The following HDX variants were observed in gnomAD, a reference collection of about 807,000 sequenced individuals.
The protein encoded by HDX is chromosome X open reading frame 43.
A neutral mutation model predicts 45.2 loss-of-function variants in HDX; 19 were observed. That is an observed-to-expected ratio of 0.42 (90% CI 0.29 to 0.62). The LOEUF (loss-of-function observed/expected upper bound fraction) is 0.62, where lower values mean the gene tolerates loss of function less well. HDX is among the 20% of genes least tolerant of loss of function. HDX has a pLI of 0.20. For synonymous variants in HDX, 188 were observed against 172.8 expected, an observed-to-expected ratio of 1.09 and a Z score of -0.69; for missense variants, 532 against 493.9, an observed-to-expected ratio of 1.08 and a Z score of -0.73.
intron 7 of HDX, among the ~76,000 whole-genome samples, chrX:84,339,636 G>T (rs1267767482): frequency 5.4e-5 from 6 of 111,425 alleles, no homozygotes; most frequent in African/African-American, 2.0e-4. Flanking sequence ...TACGTGCCTG[G>T]TAATTCCCCA....
chrX:84,438,216 C>A (rs1053842088), intron 5 of HDX, among the ~76,000 whole-genome samples: 3 of 110,883 alleles, frequency 2.7e-5, no homozygotes, highest in Admixed American at 1.9e-4. Context: ...TTCTTTCATC[C>A]TTTCAGAATT....
At chrX:84,373,090 A>T (rs774998096) in intron 5 of HDX, among the ~76,000 whole-genome samples, 30 of 111,936 alleles carry the variant, frequency 2.7e-4, no homozygotes, top group African/African-American at 9.4e-4. Context: ...TTTTCAGAAT[A>T]GATTAAAACA....
At chrX:84,470,026 T>C (rs908471143) in intron 3 of HDX, among the ~76,000 whole-genome samples, 8 of 112,231 alleles carry the variant, frequency 7.1e-5, no homozygotes, top group Non-Finnish European at 1.3e-4. Context: ...GAAATGCTCA[T>C]AGTATTGTTA....
chrX:84,477,460 C>T (rs978143877), intron 2 of HDX, among the ~76,000 whole-genome samples: 5 of 112,026 alleles, frequency 4.5e-5, no homozygotes, highest in African/African-American at 6.5e-5. Context: ...ATAAAGATGA[C>T]TGAGTATTAA....
At chrX:84,370,481 T>G (rs1484837792) in intron 5 of HDX, among the ~76,000 whole-genome samples, 1 of 112,140 alleles carries the variant, frequency 8.9e-6, no homozygotes, top group Non-Finnish European at 1.9e-5. Flanking sequence ...GAAAAGAACT[T>G]CGTTCAATCT....
intron 4 of HDX, among the ~76,000 whole-genome samples, chrX:84,461,076 A>T (rs181015141): frequency 3.0e-4 from 34 of 111,795 alleles, no homozygotes; most frequent in Admixed American, 2.3e-3. Flanking sequence ...AGGAATCAAT[A>T]TTTTTAAGGT....
intron 5 of HDX, among the ~76,000 whole-genome samples, chrX:84,399,161 T>C (rs909867208): frequency 2.7e-5 from 3 of 110,223 alleles, no homozygotes; most frequent in African/African-American, 9.9e-5. Context: ...AAAAGATCTA[T>C]GGAAGCAAGA....
At chrX:84,374,920 T>C (rs2038007854) in intron 5 of HDX, among the ~76,000 whole-genome samples, 1 of 103,467 alleles carries the variant, frequency 9.7e-6, no homozygotes, top group Admixed American at 1.1e-4. Context: ...AAAGAGCTTC[T>C]GCACAGCAAA....
chrX:84,360,011 A>C (rs2037580945), intron 6 of HDX, among the ~76,000 whole-genome samples: 1 of 112,036 alleles, frequency 8.9e-6, no homozygotes, highest in Non-Finnish European at 1.9e-5. Context: ...CAGAAAGAGA[A>C]ATTTTTTACA....
rs2036536251 is a variant in HDX, at chrX:84,318,259, T to C, written c.*3630A>G. ...ACAGAGCATAGCTTGGTGAAGAGCA[T>C]GATACAGTGCTGTCTGCCAAGGAAA... On this transcript the variant is annotated 3_prime_UTR_variant, in exon 11 of 11. Transcript: ENST00000373177. 9.1e-6 allele frequency: 1 copy of C among 110,470 alleles called. No homozygotes were observed. Among genetic ancestry groups the C allele is most frequent in the Admixed American group, 9.7e-5 (1 of 10,325 alleles). 9.1% of individuals were successfully genotyped at this position (110,470 alleles called of 1,213,427 possible). A position where few individuals can be genotyped will look rare whatever the true frequency, so the allele number is the denominator to read the frequency against.
intron 1 of HDX, among the ~76,000 whole-genome samples, chrX:84,493,915 C>T (rs1188204295): frequency 9.0e-6 from 1 of 111,233 alleles, no homozygotes; most frequent in African/African-American, 3.3e-5. Context: ...AGCCCATTTT[C>T]CATGATGTGA....
At chrX:84,412,642 G>T (rs1321992011) in intron 5 of HDX, among the ~76,000 whole-genome samples, 1 of 110,822 alleles carries the variant, frequency 9.0e-6, no homozygotes, top group Non-Finnish European at 1.9e-5. Flanking sequence ...TGATGACTGC[G>T]TGTCTTTGGG....
In HDX at chrX:84,326,267, C is replaced by T. The variant is rs377491725; in HGVS notation, c.1858G>A (p.Glu620Lys). ...EEVKFIENELEIQKQKYFKLQ... is the reference protein window; with the variant it reads ...EEVKFIENELKIQKQKYFKLQ... ...TTAAAGTATTTTTGCTTTTGAATCT[C>T]GAGCTCATTTTCAATGAATTTGACT... The change falls in exon 10 of 11, where the codon GAG becomes AAG. Residue 620 changes from glutamate to lysine, a missense_variant. Glu to Lys is a moderately conservative substitution (Grantham distance 56). Around this residue, in one of 3 missense-constraint regions of HDX, gnomAD observed 151 missense variants for 131.8 expected, o/e 1.15. Transcript: ENST00000373177. The T allele has an allele frequency of 1.4e-5, 17 of 1,189,522 alleles. No individual in the cohort carries two copies. The highest frequency in any genetic ancestry group is 1.4e-4 in the South Asian group (8 of 56,314).
rs1448008032 is a variant in HDX at position 84,319,735 on chromosome X, T to C, written c.*2154A>G. On this transcript the variant is annotated 3_prime_UTR_variant, in exon 11 of 11. Transcript: ENST00000373177. ...CACACCTAGCAGAACCTTAAATCTA[T>C]TAAAAATTCTACTTAAATATGGTTT... 1 of 111,503 alleles carries C rather than the reference T, an allele frequency of 9.0e-6. No homozygotes were observed. The highest frequency in any genetic ancestry group is 1.9e-5 in the Non-Finnish European group (1 of 52,627). The allele number at this position is 111,503 out of a possible 1,213,427, so 9.2% of individuals were successfully genotyped here.
At chrX:84,404,556 T>C (rs919774517) in intron 5 of HDX, among the ~76,000 whole-genome samples, 1 of 111,522 alleles carries the variant, frequency 9.0e-6, no homozygotes, top group East Asian at 2.8e-4. Context: ...GTGTATTAAG[T>C]GTTTTAGGTG....
intron 1 of HDX, among the ~76,000 whole-genome samples, chrX:84,499,601 C>T (rs775456778): frequency 8.3e-4 from 93 of 111,874 alleles, no homozygotes; most frequent in African/African-American, 2.8e-3. Flanking sequence ...GGTTCACTTA[C>T]AATTATCTAC....
chrX:84,450,995 A>T, intron 4 of HDX, among the ~76,000 whole-genome samples: 1 of 111,932 alleles, frequency 8.9e-6, no homozygotes, highest in Non-Finnish European at 1.9e-5. Context: ...AAACAAATGA[A>T]AATTGAAACA....
intron 5 of HDX, among the ~76,000 whole-genome samples, chrX:84,367,189 G>A (rs1350353676): frequency 1.8e-5 from 2 of 111,872 alleles, no homozygotes; most frequent in Non-Finnish European, 1.9e-5. Context: ...AGTGGGTGAA[G>A]GATATAAATA....
chrX:84,387,289 C>A (rs2038341214), intron 5 of HDX, among the ~76,000 whole-genome samples: 1 of 111,557 alleles, frequency 9.0e-6, no homozygotes, highest in South Asian at 3.7e-4. Flanking sequence ...GTTCTGTGTG[C>A]AGGTGAGAAG....
Sources: gnomAD v4.1 joint callset for allele counts (sites outside exome capture counted in the v4.1 genomes callset) on GRCh38, gnomAD v4.1.1 for gene constraint, gnomAD v4.1.1 regional missense constraint, MANE v1.5 for transcripts, NCBI Gene and HGNC (gene_info 2026-07-23, HGNC 2026-07-21) for gene names.